The following CRAMP1 variants were observed in gnomAD, a reference collection of about 807,000 sequenced individuals.
The protein encoded by CRAMP1 is protein cramped-like.
CRAMP1 carries 50 observed loss-of-function variants against 115.4 expected under a neutral mutation model. The observed-to-expected ratio is 0.43, with a 90% CI of 0.35 to 0.55. The LOEUF is 0.55. Ranked by LOEUF, CRAMP1 falls within the 20% of genes least tolerant of loss-of-function variation. The pLI is 0.01. For missense variants in CRAMP1, 1,679 were observed against 1,721.7 expected, an observed-to-expected ratio of 0.98 and a Z score of 0.44; for synonymous variants, 866 against 745.4, an observed-to-expected ratio of 1.16 and a Z score of -2.64.
At position 1,674,631 on chromosome 16, in the gene CRAMP1, GC is replaced by G; in HGVS notation, c.*589del. The G allele has an allele frequency of 6.3e-6, 1 of 158,774 alleles. No homozygotes were observed. The highest frequency in any genetic ancestry group is 1.4e-5 in the Non-Finnish European group (1 of 71,804). 9.8% of individuals were successfully genotyped at this position (158,774 alleles called of 1,614,324 possible). A position where few individuals can be genotyped will look rare whatever the true frequency, so the allele number is the denominator to read the frequency against. On this transcript the variant is annotated 3_prime_UTR_variant, in exon 21 of 21. Coordinates refer to ENST00000397412, the MANE Select transcript of CRAMP1 (RefSeq NM_020825.4). The stretch of plus-strand genomic sequence containing the variant: ...CACAGGGCTGCTGCGGAGTCGTGGG[GC>G]CCTGGGCTGGTGCCTCCCCTCCCTA...
chr16:1,660,560 A>G (rs1282920153), intron 11 of CRAMP1, among the ~76,000 whole-genome samples: 3 of 152,242 alleles, frequency 2.0e-5, no homozygotes, highest in African/African-American at 7.2e-5. Context: ...ATTTAAATTC[A>G]GGGATCATAA....
In CRAMP1 at chr16:1,652,520, G is replaced by C. The variant is rs371022623; in HGVS notation, c.852G>C (p.Gly284=). 1 of 1,552,316 alleles carries C rather than the reference G, an allele frequency of 6.4e-7. No individual in the cohort carries two copies. The highest frequency in any genetic ancestry group is 8.7e-7 in the Non-Finnish European group (1 of 1,147,274). Residue 284 remains glycine (G), a synonymous_variant, in exon 7 of 21, where the codon GGG becomes GGC. Transcript: ENST00000397412. ...QVGATTVRYK[G]RNLRIKAPMC... is the part of the protein sequence containing the mutation. ...GGGCCACCACTGTACGTTACAAAGG[G>C]CGGAACCTGCGGATCAAAGCGCCCA...
chr16:1,617,286 C>A (rs1049302387), intron 2 of CRAMP1, among the ~76,000 whole-genome samples: 3 of 152,220 alleles, frequency 2.0e-5, no homozygotes, highest in African/African-American at 7.2e-5. Flanking sequence ...TCTCTGCTTT[C>A]AGGTTCCTCA....
Position 1,674,151 on chromosome 16 carries a change from CTGT to C in CRAMP1, c.*107_*109del. The C allele has an allele frequency of 8.7e-7, 1 of 1,146,518 alleles. No homozygotes were observed. The highest frequency in any genetic ancestry group is 1.5e-5 in the African/African-American group (1 of 64,524). 71.0% of individuals were successfully genotyped at this position (1,146,518 alleles called of 1,614,324 possible). On this transcript the variant is annotated 3_prime_UTR_variant, in exon 21 of 21. Transcript: ENST00000397412. ...AACAGAGGCATCTCCGCACCCAAGACTGTGCAACGGGCAGGAACGTGGTCACAG... is the reference window on the plus strand; with the variant it reads ...AACAGAGGCATCTCCGCACCCAAGACGCAACGGGCAGGAACGTGGTCACAG...
In CRAMP1 at chr16:1,665,178, T is replaced by G. The variant is rs764332131; in HGVS notation, c.2752+40T>G. 1.5e-5 allele frequency: 20 copies of G among 1,327,090 alleles called. No homozygotes were observed. In the East Asian group the frequency reaches 4.6e-4, roughly 30 times the overall value. 82.2% of individuals were successfully genotyped at this position (1,327,090 alleles called of 1,614,324 possible). On this transcript the variant is annotated intron_variant, in intron 14 of 20. Transcript: ENST00000397412. ...CTTTTCTGGGGTAGCTTGTCCCTCC[T>G]CCTCACAGGAGGGCCTTGGCTTTGG...
Position 1,655,214 on chromosome 16 carries a change from C to T in CRAMP1, c.1038-5C>T, listed in dbSNP as rs761308875. ...CTCACTTCCTCCTGTCTGTCGTCTC[C>T]GTAGGATGATCGTGGAGCTACATCG... On this transcript the variant is annotated splice_region_variant and splice_polypyrimidine_tract_variant and intron_variant, in intron 8 of 20. Transcript: ENST00000397412. 1.1e-5 allele frequency: 17 copies of T among 1,612,884 alleles called. No individual in the cohort carries two copies. The highest frequency in any genetic ancestry group is 1.6e-4 in the Middle Eastern group (1 of 6,084).
chr16:1,668,945 GT>G (rs1048435548), intron 18 of CRAMP1, 55 bp from the exon 19 acceptor site: 1 of 1,561,014 alleles, frequency 6.4e-7, no homozygotes, highest in African/African-American at 1.4e-5. Context: ...GGAGAAGTGA[GT>G]TGCTGTTCAC....
chr16:1,675,728 GT>G lies in CRAMP1; in HGVS notation c.*1688del, dbSNP rs1368441390. ...AGAGCTTCCTTCTTTTGTCTCACGA[GT>G]TTTTCTTAGAGCTCTTGCCTGAGCT... On this transcript the variant is annotated 3_prime_UTR_variant, in exon 21 of 21. Transcript: ENST00000397412. The G allele has an allele frequency of 6.6e-6, 1 of 152,288 alleles. No individual in the cohort carries two copies. The highest frequency in any genetic ancestry group is 6.5e-5 in the Admixed American group (1 of 15,288). The allele number at this position is 152,288 out of a possible 1,614,324, so 9.4% of individuals were successfully genotyped here.
chr16:1,633,557 T>C (rs750585665), intron 4 of CRAMP1, among the ~76,000 whole-genome samples: 1 of 152,256 alleles, frequency 6.6e-6, no homozygotes, highest in Non-Finnish European at 1.5e-5. Flanking sequence ...AGTTCCGTTT[T>C]GTCCTATATT....
rs150706684 is a variant in CRAMP1, at chr16:1,660,995, C to T, written c.2413+932C>T. 2.6e-3 allele frequency among the ~76,000 whole-genome samples: 399 copies of T among 150,900 alleles called. 1 individual carries two copies. Among genetic ancestry groups the T allele is most frequent in the African/African-American group, 9.3e-3 (381 of 41,052 alleles). ...CTGCACTCCAGCTCGGGCAACGGAGCGAGACTCCATCTCAAAAACAAAAAA... is the reference window on the plus strand; with the variant it reads ...CTGCACTCCAGCTCGGGCAACGGAGTGAGACTCCATCTCAAAAACAAAAAA... On this transcript the variant is annotated intron_variant, in intron 11 of 20. Coordinates refer to ENST00000397412, the MANE Select transcript of CRAMP1 (RefSeq NM_020825.4).
chr16:1,667,544 C>T (rs748149205), intron 17 of CRAMP1, 144 bp downstream of exon 17: 10 of 685,750 alleles, frequency 1.5e-5, no homozygotes, highest in African/African-American at 1.2e-4. Context: ...CCTGCTGTGC[C>T]GACTGCCCAG....
intron 2 of CRAMP1, among the ~76,000 whole-genome samples, chr16:1,616,188 T>G (rs2142166025): frequency 6.6e-6 from 1 of 152,372 alleles, no homozygotes; most frequent in South Asian, 2.1e-4. Context: ...TGCTGATCAA[T>G]TTGGAAAACA....
At chr16:1,640,257 A>T (rs935655736) in intron 5 of CRAMP1, among the ~76,000 whole-genome samples, 56 of 152,062 alleles carry the variant, frequency 3.7e-4, no homozygotes, top group African/African-American at 1.4e-3. Context: ...TTCTTAAAAG[A>T]TGTATTTGCC....
chr16:1,668,989 C>T lies in CRAMP1; in HGVS notation c.3335-12C>T. The T allele has an allele frequency of 6.2e-7, 1 of 1,612,646 alleles. No individual in the cohort carries two copies. Among genetic ancestry groups the T allele is most frequent in the Non-Finnish European group, 8.5e-7 (1 of 1,179,270 alleles). Reference sequence around the variant, plus strand: ...CAACAAGGCGTTTCTGATCTGGGATCTTGGTTGGCAGGTGAAGGAGTCCCT... The same window carrying T: ...CAACAAGGCGTTTCTGATCTGGGATTTTGGTTGGCAGGTGAAGGAGTCCCT... On this transcript the variant is annotated splice_polypyrimidine_tract_variant and intron_variant, in intron 18 of 20. Transcript: ENST00000397412.
At chr16:1,627,129 C>T (rs1161927848) in intron 3 of CRAMP1, among the ~76,000 whole-genome samples, 3 of 151,828 alleles carry the variant, frequency 2.0e-5, no homozygotes, top group Non-Finnish European at 2.9e-5. Flanking sequence ...GAATTAGGTT[C>T]GTGATCGGTG....
chr16:1,625,963 T>C lies in CRAMP1; in HGVS notation c.347-10T>C, dbSNP rs2036504751. The C allele has an allele frequency of 6.4e-7, 1 of 1,551,466 alleles. No individual in the cohort carries two copies. The highest frequency in any genetic ancestry group is 8.7e-7 in the Non-Finnish European group (1 of 1,146,902). On this transcript the variant is annotated splice_polypyrimidine_tract_variant and intron_variant, in intron 2 of 20. Coordinates refer to ENST00000397412, the MANE Select transcript of CRAMP1 (RefSeq NM_020825.4). ...TGGAACAGATCACTGTACGGTGCTT[T>C]CTCTCCAAGGAGCTGAAGGTGGTGG...
intron 10 of CRAMP1, among the ~76,000 whole-genome samples, chr16:1,658,956 G>A (rs1375806154): frequency 2.0e-5 from 3 of 152,136 alleles, no homozygotes; most frequent in African/African-American, 7.2e-5. Flanking sequence ...CCCAGCGGTG[G>A]TGGCGTTTCT....
chr16:1,677,390 TCGAGATCGCGC>T lies in CRAMP1; in HGVS notation c.*3347_*3357del, dbSNP rs1323782060. On this transcript the variant is annotated 3_prime_UTR_variant, in exon 21 of 21. Transcript: ENST00000397412. ...CCTCAGCGGCGGAGGTTGCAGTGAG[TCGAGATCGCGC>T]CAGTGCACTCCAGCCTGGGCAAGAA... The T allele has an allele frequency of 1.2e-4, 18 of 152,074 alleles. No individual in the cohort carries two copies. The highest frequency in any genetic ancestry group is 4.4e-4 in the African/African-American group (18 of 41,374). 9.4% of individuals were successfully genotyped at this position (152,074 alleles called of 1,614,324 possible). A position where few individuals can be genotyped will look rare whatever the true frequency, so the allele number is the denominator to read the frequency against.
At chr16:1,632,501 C>T in intron 4 of CRAMP1, 136 bp downstream of exon 4, 1 of 884,798 alleles carries the variant, frequency 1.1e-6, no homozygotes, top group African/African-American at 1.7e-5. Flanking sequence ...GGCTCCTCGC[C>T]TTGCAGCGCT....
Sources: gnomAD v4.1 joint callset for allele counts (sites outside exome capture counted in the v4.1 genomes callset) on GRCh38, gnomAD v4.1.1 for gene constraint, MANE v1.5 for transcripts, NCBI Gene and HGNC (gene_info 2026-07-23, HGNC 2026-07-21) for gene names.